SPATA16: variants seen among roughly 807,000 people sequenced by gnomAD.
SPATA16 encodes the protein spermatogenesis associated 16.
A neutral mutation model predicts 63.3 loss-of-function variants in SPATA16; 36 were observed. That is an observed-to-expected ratio of 0.57 (90% CI 0.44 to 0.75). The LOEUF (loss-of-function observed/expected upper bound fraction) is 0.75. Among genes scored for constraint, SPATA16 ranks in the 30% least tolerant of loss-of-function variants. The pLI is 0.00. For missense variants in SPATA16, 646 were observed against 679.3 expected, an observed-to-expected ratio of 0.95 and a Z score of 0.54; for synonymous variants, 203 against 216.7, an observed-to-expected ratio of 0.94 and a Z score of 0.56.
At chr3:172,931,119 C>T (rs755455050) in intron 6 of SPATA16, among the ~76,000 whole-genome samples, 4 of 152,016 alleles carry the variant, frequency 2.6e-5, no homozygotes, top group Admixed American at 1.3e-4. Context: ...CCACCGTGCT[C>T]GGCCTCAAAC....
At chr3:173,025,051 T>C (rs1473934781) in intron 3 of SPATA16, among the ~76,000 whole-genome samples, 1 of 150,978 alleles carries the variant, frequency 6.6e-6, no homozygotes, top group Non-Finnish European at 1.5e-5. Context: ...TTCAAAAGGG[T>C]ATTTTTTTCT....
At chr3:172,992,517 T>A (rs1734601262) in intron 4 of SPATA16, among the ~76,000 whole-genome samples, 1 of 152,000 alleles carries the variant, frequency 6.6e-6, no homozygotes, top group South Asian at 2.1e-4. Flanking sequence ...TAGGGGACTC[T>A]AGGGTGTGTG....
chr3:172,912,065 T>C (rs1732381209), intron 10 of SPATA16, among the ~76,000 whole-genome samples: 1 of 152,236 alleles, frequency 6.6e-6, no homozygotes, highest in African/African-American at 2.4e-5. Flanking sequence ...TTTTGAAATA[T>C]CTTCTGTACG....
chr3:173,008,154 A>T (rs938067335), intron 4 of SPATA16, among the ~76,000 whole-genome samples: 2 of 152,172 alleles, frequency 1.3e-5, no homozygotes, highest in African/African-American at 4.8e-5. Flanking sequence ...ACAGGCTTTG[A>T]TCCAGGTTGC....
intron 6 of SPATA16, among the ~76,000 whole-genome samples, chr3:172,947,336 C>A (rs1436652754): frequency 6.6e-6 from 1 of 152,192 alleles, no homozygotes; most frequent in Non-Finnish European, 1.5e-5. Flanking sequence ...TAAACATCTA[C>A]AAACATCGAG....
chr3:173,048,455 AAAAG>A lies in SPATA16; in HGVS notation c.758+490_758+493del, dbSNP rs570546687. Among the ~76,000 whole-genome samples the A allele has an allele frequency of 3.1e-3, 466 of 152,218 alleles. 7 individuals are homozygous for A. Among genetic ancestry groups the A allele is most frequent in the South Asian group, 0.027 (130 of 4,818 alleles). Reference sequence around the variant, plus strand: ...CTTCTAAAGAAGGATAGAAATATAAAAAAGAAAATTTTAAGGACAGAGATAAAAA... The same window carrying A: ...CTTCTAAAGAAGGATAGAAATATAAAAAAATTTTAAGGACAGAGATAAAAA... On this transcript the variant is annotated intron_variant, in intron 3 of 10. Transcript: ENST00000351008.
In SPATA16 at chr3:172,941,952, CTA is replaced by C. The variant is rs376467850; in HGVS notation, c.1081+14723_1081+14724del. Among the ~76,000 whole-genome samples, 256 of 151,524 alleles carry C rather than the reference CTA, an allele frequency of 1.7e-3. 1 individual carries two copies. Among genetic ancestry groups the C allele is most frequent in the Middle Eastern group, 0.014 (4 of 292 alleles). The stretch of plus-strand genomic sequence containing the variant: ...TGAAACTACGATTTTGTTAAGATGT[CTA>C]TGTTTACAATAACATTTAATGTTAT... On this transcript the variant is annotated intron_variant, in intron 6 of 10. Coordinates refer to ENST00000351008, the MANE Select transcript of SPATA16 (RefSeq NM_031955.6).
intron 2 of SPATA16, among the ~76,000 whole-genome samples, chr3:173,075,534 C>G (rs568678314): frequency 6.6e-6 from 1 of 152,178 alleles, no homozygotes; most frequent in African/African-American, 2.4e-5. Flanking sequence ...TAAGTTCTAT[C>G]AATGGATTAA....
chr3:173,116,461 A>G (rs975761332), intron 2 of SPATA16, among the ~76,000 whole-genome samples: 1 of 152,118 alleles, frequency 6.6e-6, no homozygotes, highest in Admixed American at 6.5e-5. Context: ...CCTACTACCT[A>G]TTTTGTGTTT....
chr3:173,102,115 C>T (rs922586705), intron 2 of SPATA16, among the ~76,000 whole-genome samples: 5 of 152,186 alleles, frequency 3.3e-5, no homozygotes, highest in Admixed American at 1.3e-4. Flanking sequence ...CTGAACCCTT[C>T]CCCTTATTCC....
intron 10 of SPATA16, among the ~76,000 whole-genome samples, chr3:172,895,389 G>A (rs1731986785): frequency 6.6e-6 from 1 of 152,148 alleles, no homozygotes; most frequent in Non-Finnish European, 1.5e-5. Context: ...AAGGCGGAGT[G>A]CAGTGGTGTG....
intron 2 of SPATA16, among the ~76,000 whole-genome samples, chr3:173,072,166 G>C (rs1042642953): frequency 6.6e-6 from 1 of 152,062 alleles, no homozygotes; most frequent in African/African-American, 2.4e-5. Context: ...ATAAACCTAG[G>C]TGCCCATAAA....
At chr3:172,890,144 G>A (rs140089916) in intron 10 of SPATA16, among the ~76,000 whole-genome samples, 5 of 152,136 alleles carry the variant, frequency 3.3e-5, no homozygotes, top group Non-Finnish European at 7.4e-5. Context: ...AACCAACATG[G>A]GAGAAAAATG....
At position 173,108,089 on chromosome 3, in the gene SPATA16, G is replaced by A. The variant is rs370122877; in HGVS notation, c.612+9031C>T. ...CACATAATGACCACCTGTAAACTAT[G>A]GAAATAATCCCACTGATGAAAAAGA... On this transcript the variant is annotated intron_variant, in intron 2 of 10. Transcript: ENST00000351008. Among the ~76,000 whole-genome samples the A allele has an allele frequency of 5.3e-5, 8 of 152,154 alleles. No homozygotes were observed. The East Asian group carries it at 1.5e-3, about 29-fold the overall frequency.
chr3:172,917,624 A>G (rs1732524225), intron 8 of SPATA16, among the ~76,000 whole-genome samples: 1 of 152,232 alleles, frequency 6.6e-6, no homozygotes, highest in South Asian at 2.1e-4. Context: ...GCCTCCCCAA[A>G]TATTCAAATA....
At chr3:172,921,409 A>G (rs961915125) in intron 8 of SPATA16, among the ~76,000 whole-genome samples, 1 of 152,218 alleles carries the variant, frequency 6.6e-6, no homozygotes, top group African/African-American at 2.4e-5. Context: ...CTACCAAGAC[A>G]TGTGAGGCTG....
chr3:173,125,536 T>C (rs143104157), intron 1 of SPATA16, among the ~76,000 whole-genome samples: 1 of 152,358 alleles, frequency 6.6e-6, no homozygotes, highest in East Asian at 1.9e-4. Context: ...TTCCTTCTGT[T>C]CTGCTAATTT....
At chr3:173,068,307 A>G (rs1009586064) in intron 2 of SPATA16, among the ~76,000 whole-genome samples, 1 of 152,218 alleles carries the variant, frequency 6.6e-6, no homozygotes, top group Non-Finnish European at 1.5e-5. Flanking sequence ...TAGACAGTAT[A>G]AAATATATGA....
intron 4 of SPATA16, among the ~76,000 whole-genome samples, chr3:172,992,203 C>T (rs1293350602): frequency 6.6e-6 from 1 of 152,064 alleles, no homozygotes; most frequent in African/African-American, 2.4e-5. Flanking sequence ...CCACAGCTTG[C>T]ATGACATTTG....
Sources: gnomAD v4.1 joint callset for allele counts (sites outside exome capture counted in the v4.1 genomes callset) on GRCh38, gnomAD v4.1.1 for gene constraint, MANE v1.5 for transcripts, NCBI Gene and HGNC (gene_info 2026-07-23, HGNC 2026-07-21) for gene names.